Variants in TNS3 observed in about 807,000 individuals in gnomAD.
TNS3 encodes the protein tensin-3.
In TNS3, 45 loss-of-function variants were observed where a neutral mutation model predicts 140.9. The ratio of observed to expected loss-of-function variants is 0.32; its 90% CI spans 0.25 to 0.41. The LOEUF is 0.41. Among genes scored for constraint, TNS3 ranks in the 10% least tolerant of loss-of-function variants. TNS3 has a pLI of 1.00. For synonymous variants in TNS3, 815 were observed against 788.4 expected (o/e 1.03, Z -0.56); for missense variants, 1,716 against 1,906.7 (o/e 0.90, Z 1.86).
At chr7:47,493,074 A>G (rs1797872083) in intron 3 of TNS3, among the ~76,000 whole-genome samples, 1 of 152,210 alleles carries the variant, frequency 6.6e-6, no homozygotes, top group African/African-American at 2.4e-5. Context: ...CCTGTTGCTA[A>G]TGACAAGGCA....
intron 13 of TNS3, 129 bp from the exon 14 acceptor site, chr7:47,401,043 T>G: frequency 7.3e-7 from 1 of 1,371,374 alleles, no homozygotes; most frequent in African/African-American, 1.5e-5. Context: ...AGTTCACGCT[T>G]TGGAGTGGAA....
intron 4 of TNS3, among the ~76,000 whole-genome samples, chr7:47,472,501 T>C (rs982735144): frequency 1.3e-5 from 2 of 152,166 alleles, no homozygotes; most frequent in African/African-American, 4.8e-5. Flanking sequence ...CACAGGGATA[T>C]AGGGAGAAAC....
intron 21 of TNS3, among the ~76,000 whole-genome samples, 180 bp downstream of exon 21, chr7:47,304,652 G>A (rs550346875): frequency 1.3e-5 from 2 of 151,830 alleles, no homozygotes; most frequent in Admixed American, 6.6e-5. Context: ...ACCTGTCCCC[G>A]GCGGTAGCAG....
At chr7:47,547,040 A>G (rs992270804) in intron 1 of TNS3, among the ~76,000 whole-genome samples, 4 of 152,188 alleles carry the variant, frequency 2.6e-5, no homozygotes, top group African/African-American at 9.6e-5. Context: ...TTCTGATTAG[A>G]TGGTTTACAA....
intron 4 of TNS3, chr7:47,453,033 C>A: frequency 2.0e-6 from 2 of 985,600 alleles, no homozygotes; most frequent in Non-Finnish European, 2.4e-6. Flanking sequence ...GTCAAGCACA[C>A]CCCTCTTCGT....
chr7:47,350,269 G>A (rs571743653), intron 17 of TNS3, among the ~76,000 whole-genome samples: 2 of 152,220 alleles, frequency 1.3e-5, no homozygotes, highest in East Asian at 1.9e-4. Context: ...TCTTCCTCCC[G>A]GACATGTCCT....
At chr7:47,337,950 T>C (rs1029249354) in intron 20 of TNS3, among the ~76,000 whole-genome samples, 5 of 152,384 alleles carry the variant, frequency 3.3e-5, no homozygotes, top group African/African-American at 1.2e-4. Context: ...GTGACATATA[T>C]GGAATCATAC....
At chr7:47,344,269 C>A (rs1438992961) in intron 20 of TNS3, among the ~76,000 whole-genome samples, 2 of 152,150 alleles carry the variant, frequency 1.3e-5, no homozygotes, top group African/African-American at 4.8e-5. Flanking sequence ...CGGACGCGAT[C>A]AGGCCATGGA....
intron 6 of TNS3, 40 bp from the exon 7 acceptor site, chr7:47,437,353 T>C: frequency 1.0e-6 from 1 of 996,490 alleles, no homozygotes; most frequent in South Asian, 3.3e-5. Context: ...TAAAATAGAT[T>C]TTAATATTTT....
chr7:47,524,767 A>G (rs1231019044), intron 2 of TNS3, among the ~76,000 whole-genome samples: 4 of 131,202 alleles, frequency 3.0e-5, no homozygotes, highest in Admixed American at 8.2e-5. Flanking sequence ...GCGCCACTGC[A>G]GTCCGCAGTC....
chr7:47,335,275 T>C (rs1346065561), intron 20 of TNS3, among the ~76,000 whole-genome samples: 3 of 152,162 alleles, frequency 2.0e-5, no homozygotes, highest in African/African-American at 4.8e-5. Flanking sequence ...GGGCCCCAAA[T>C]GGGTGAAGCC....
At chr7:47,331,501 TG>T (rs1788342105) in intron 20 of TNS3, among the ~76,000 whole-genome samples, 1 of 152,150 alleles carries the variant, frequency 6.6e-6, no homozygotes, top group African/African-American at 2.4e-5. Context: ...CATGCTCCTC[TG>T]GAAAAATCAA....
At chr7:47,483,424 C>A (rs1001961211) in intron 3 of TNS3, among the ~76,000 whole-genome samples, 1 of 152,190 alleles carries the variant, frequency 6.6e-6, no homozygotes, top group African/African-American at 2.4e-5. Context: ...CCACCTCGGC[C>A]TCCCAAAGTA....
At chr7:47,333,073 C>T (rs1269998396) in intron 20 of TNS3, among the ~76,000 whole-genome samples, 1 of 151,858 alleles carries the variant, frequency 6.6e-6, no homozygotes, top group African/African-American at 2.4e-5. Flanking sequence ...TGGCCTGCTC[C>T]GCGGATGAGG....
At chr7:47,573,036 A>G (rs1800594096) in intron 1 of TNS3, among the ~76,000 whole-genome samples, 1 of 152,190 alleles carries the variant, frequency 6.6e-6, no homozygotes, top group South Asian at 2.1e-4. Context: ...ATCAAGGGTC[A>G]CGTGTGGCCC....
chr7:47,475,633 G>A (rs547517427), intron 4 of TNS3, among the ~76,000 whole-genome samples: 1 of 152,350 alleles, frequency 6.6e-6, no homozygotes, highest in Non-Finnish European at 1.5e-5. Flanking sequence ...GGGTGTCCTA[G>A]TGAAGGCTGC....
intron 18 of TNS3, 82 bp from the exon 19 acceptor site, chr7:47,345,120 C>A: frequency 8.9e-7 from 1 of 1,117,424 alleles, no homozygotes; most frequent in Non-Finnish European, 1.3e-6. Context: ...GTGGCTCCCC[C>A]AGGCTGGCCC....
At chr7:47,351,659 G>A (rs910937272) in intron 17 of TNS3, among the ~76,000 whole-genome samples, 3 of 152,090 alleles carry the variant, frequency 2.0e-5, no homozygotes, top group African/African-American at 4.8e-5. Flanking sequence ...CCTTTAACCC[G>A]TGCACAACGT....
At chr7:47,449,143 T>C (rs1464498675) in intron 4 of TNS3, among the ~76,000 whole-genome samples, 1 of 152,266 alleles carries the variant, frequency 6.6e-6, no homozygotes, top group Non-Finnish European at 1.5e-5. Flanking sequence ...GGGAAGTCAC[T>C]GCTCGACGTT....
Sources: gnomAD v4.1 joint callset for allele counts (sites outside exome capture counted in the v4.1 genomes callset) on GRCh38, gnomAD v4.1.1 for gene constraint, MANE v1.5 for transcripts, NCBI Gene and HGNC (gene_info 2026-07-23, HGNC 2026-07-21) for gene names.